TENM2: variants seen among roughly 807,000 people sequenced by gnomAD.
TENM2 encodes teneurin-2.
A neutral mutation model predicts 245.2 loss-of-function variants in TENM2; 52 were observed. That is an observed-to-expected ratio of 0.21 (90% CI 0.17 to 0.27). The LOEUF (loss-of-function observed/expected upper bound fraction) is 0.27. Ranked by LOEUF, TENM2 falls within the 10% of genes least tolerant of loss-of-function variation. The pLI is 1.00. For synonymous variants in TENM2, 1,363 were observed against 1,438.9 expected (o/e 0.95, Z 1.19); for missense variants, 3,046 against 3,666.8 (o/e 0.83, Z 4.37).
chr5:167,372,744 C>A (rs1760512358), intron 1 of TENM2, among the ~76,000 whole-genome samples: 1 of 152,056 alleles, frequency 6.6e-6, no homozygotes, highest in African/African-American at 2.4e-5. Context: ...TCTCTAAGGA[C>A]AAGATGGAAG....
At chr5:168,246,256 G>A (rs199897314) in intron 26 of TENM2, among the ~76,000 whole-genome samples, 1 of 151,804 alleles carries the variant, frequency 6.6e-6, no homozygotes, top group Admixed American at 6.6e-5. Context: ...AAAAATGCAG[G>A]ATGTGTTTTC....
At chr5:167,385,852 A>ATG (rs1326801519) in intron 2 of TENM2, among the ~76,000 whole-genome samples, 2 of 130,388 alleles carry the variant, frequency 1.5e-5, no homozygotes, top group Non-Finnish European at 3.1e-5. Context: ...TCCATTATAT[A>ATG]TATATGTGTG....
chr5:167,110,533 C>A, the TENM2 span, among the ~76,000 whole-genome samples: 19 of 152,252 alleles, frequency 1.2e-4, no homozygotes, highest in Non-Finnish European at 2.5e-4. Context: ...TATTATGAGC[C>A]AATGTACATA....
intron 3 of TENM2, among the ~76,000 whole-genome samples, chr5:167,926,763 C>CACACAA (rs1554147379): frequency 6.9e-6 from 1 of 144,912 alleles, no homozygotes; most frequent in Non-Finnish European, 1.5e-5. Flanking sequence ...CACACACACA[C>CACACAA]AAGACCTTAG....
the TENM2 span, among the ~76,000 whole-genome samples, chr5:167,175,293 G>A: frequency 2.6e-5 from 4 of 152,200 alleles, no homozygotes; most frequent in Non-Finnish European, 5.9e-5. Flanking sequence ...TAACAGCACA[G>A]ATGTTATATT....
chr5:167,514,941 G>T (rs1215483627), intron 2 of TENM2, among the ~76,000 whole-genome samples: 1 of 152,144 alleles, frequency 6.6e-6, no homozygotes, highest in Admixed American at 6.5e-5. Context: ...AACCCGAGAG[G>T]CGGAGGTTGC....
chr5:167,513,872 C>G (rs140603131), intron 2 of TENM2, among the ~76,000 whole-genome samples: 279 of 152,302 alleles, frequency 1.8e-3, no homozygotes, highest in Non-Finnish European at 3.5e-3. Flanking sequence ...ATCCTGCTGA[C>G]TAAGACCCCA....
chr5:167,960,509 C>A (rs1780923599), intron 4 of TENM2, among the ~76,000 whole-genome samples: 1 of 152,142 alleles, frequency 6.6e-6, no homozygotes, highest in Non-Finnish European at 1.5e-5. Context: ...GGGAAAACTA[C>A]TTACTCAAGC....
intron 5 of TENM2, among the ~76,000 whole-genome samples, chr5:168,016,387 CT>C (rs1562055088): frequency 6.6e-6 from 1 of 152,220 alleles, no homozygotes; most frequent in African/African-American, 2.4e-5. Flanking sequence ...TATATTTTTT[CT>C]TCCTGAAAGC....
rs79262600 is a variant in TENM2, at chr5:167,623,692, T to C, written c.502+248219T>C. ...AGAACAACTCTTGTATTGATCTTTT[T>C]TGTTGTTGTTCTGTTTGCACAACTG... On this transcript the variant is annotated intron_variant, in intron 2 of 28. Coordinates refer to ENST00000518659, the Ensembl canonical transcript of TENM2. Among the ~76,000 whole-genome samples the C allele has an allele frequency of 6.5e-3, 983 of 152,308 alleles. 11 individuals are homozygous for C. Among genetic ancestry groups the C allele is most frequent in the African/African-American group, 0.022 (935 of 41,562 alleles).
intron 1 of TENM2, among the ~76,000 whole-genome samples, chr5:167,329,281 C>T (rs1757283423): frequency 6.6e-6 from 1 of 151,612 alleles, no homozygotes; most frequent in South Asian, 2.1e-4. Context: ...TGCAGTGGCT[C>T]ACGCCTGTAA....
intron 2 of TENM2, among the ~76,000 whole-genome samples, chr5:167,391,647 A>AAAAAAAAAAAAT (rs70976420): frequency 3.9e-5 from 5 of 126,838 alleles, no homozygotes; most frequent in Non-Finnish European, 4.7e-5. Flanking sequence ...AAAAAAAAAA[A>AAAAAAAAAAAAT]GCACTCTCAA....
chr5:167,578,444 C>G (rs533277910), intron 2 of TENM2, among the ~76,000 whole-genome samples: 16 of 152,304 alleles, frequency 1.1e-4, no homozygotes, highest in African/African-American at 3.8e-4. Context: ...ATTGCAATTT[C>G]TTGTTTGTAC....
At chr5:167,356,824 A>G (rs538263683) in intron 1 of TENM2, among the ~76,000 whole-genome samples, 1 of 152,336 alleles carries the variant, frequency 6.6e-6, no homozygotes, top group Non-Finnish European at 1.5e-5. Context: ...GTTTGTCTTC[A>G]TCAACCCCTT....
chr5:167,517,385 C>T (rs1323911063), intron 2 of TENM2, among the ~76,000 whole-genome samples: 1 of 151,974 alleles, frequency 6.6e-6, no homozygotes, highest in East Asian at 1.9e-4. Flanking sequence ...GTTAAATGGC[C>T]CTCAATATAA....
intron 2 of TENM2, among the ~76,000 whole-genome samples, chr5:167,483,305 C>T (rs1378103972): frequency 6.6e-6 from 1 of 152,196 alleles, no homozygotes; most frequent in African/African-American, 2.4e-5. Flanking sequence ...AAACTTCCCT[C>T]ACCTTACTGT....
At chr5:167,032,332 G>T in the TENM2 span, among the ~76,000 whole-genome samples, 1 of 152,142 alleles carries the variant, frequency 6.6e-6, no homozygotes, top group Non-Finnish European at 1.5e-5. Flanking sequence ...GATTCAGTGG[G>T]ATACATGTTT....
intron 1 of TENM2, among the ~76,000 whole-genome samples, chr5:167,300,197 A>G (rs1166097043): frequency 3.9e-5 from 6 of 152,112 alleles, no homozygotes; most frequent in Admixed American, 2.6e-4. Flanking sequence ...CAGCAGGGAG[A>G]GCACGTGTGT....
chr5:167,784,502 A>G (rs1398520619), intron 2 of TENM2, among the ~76,000 whole-genome samples: 1 of 152,218 alleles, frequency 6.6e-6, no homozygotes, highest in Non-Finnish European at 1.5e-5. Context: ...CTACAGTCAT[A>G]TGAACCTTAA....
Sources: allele counts gnomAD v4.1 joint callset (sites outside exome capture counted in the v4.1 genomes callset), GRCh38; gene constraint gnomAD v4.1.1; transcripts MANE v1.5; gene names NCBI Gene and HGNC (gene_info 2026-07-23, HGNC 2026-07-21).